Variants in NEDD1 observed in about 807,000 individuals in gnomAD.
NEDD1 encodes the protein NEDD1 gamma-tubulin ring complex targeting factor.
NEDD1 carries 33 observed loss-of-function variants against 74.0 expected under a neutral mutation model. The ratio of observed to expected loss-of-function variants is 0.45; its 90% CI spans 0.34 to 0.60. The LOEUF is 0.60. Among genes scored for constraint, NEDD1 ranks in the 20% least tolerant of loss-of-function variants. The pLI, the probability that NEDD1 is intolerant of heterozygous loss-of-function variation, is 0.01. For missense variants in NEDD1, 746 were observed against 776.5 expected, an observed-to-expected ratio of 0.96 and a Z score of 0.47; for synonymous variants, 250 against 264.4, an observed-to-expected ratio of 0.95 and a Z score of 0.53.
chr12:96,932,454 AAAAAAAAAAATAT>A (rs1565801154), intron 6 of NEDD1, among the ~76,000 whole-genome samples: 1 of 57,456 alleles, frequency 1.7e-5, no homozygotes, highest in Non-Finnish European at 3.3e-5. Context: ...AAAAAAAAAA[AAAAAAAAAAATAT>A]ATATATATAT....
chr12:96,921,101 T>G (rs1280599257), intron 6 of NEDD1, among the ~76,000 whole-genome samples: 1 of 152,174 alleles, frequency 6.6e-6, no homozygotes, highest in Non-Finnish European at 1.5e-5. Context: ...CTTATTGATT[T>G]TGTTTTTACT....
Position 96,907,317 on chromosome 12 carries a change from C to T in NEDD1, c.-262+17C>T, listed in dbSNP as rs1873411715. The T allele has an allele frequency of 5.6e-6, 2 of 357,596 alleles. No individual in the cohort carries two copies. Among genetic ancestry groups the T allele is most frequent in the South Asian group, 6.9e-5 (1 of 14,542 alleles). The allele number at this position is 357,596 out of a possible 1,614,324, so 22.2% of individuals were successfully genotyped here. ...TGCGGAGAGGTGAGGTTCCGGAGGCCCTGAGGTCAGCGGGCCCCCGCCCGC... is the reference window on the plus strand; with the variant it reads ...TGCGGAGAGGTGAGGTTCCGGAGGCTCTGAGGTCAGCGGGCCCCCGCCCGC... On this transcript the variant is annotated intron_variant, in intron 1 of 15. Transcript: ENST00000266742.
Position 96,920,027 on chromosome 12 carries a change from G to A in NEDD1, c.391G>A (p.Asp131Asn). 1 of 1,604,140 alleles carries A rather than the reference G, an allele frequency of 6.2e-7. No individual in the cohort carries two copies. Among genetic ancestry groups the A allele is most frequent in the Non-Finnish European group, 8.5e-7 (1 of 1,171,594 alleles). ...QVTCVTYNWN[D>N]CYIASGSLSG... ...AACTTGTGTAACATACAATTGGAAT[G>A]ATTGCTACATTGCTTCTGGATCTCT... The change falls in exon 6 of 16, where the codon GAT becomes AAT. Residue 131 changes from aspartate (D) to asparagine (N), a missense_variant. Coordinates refer to ENST00000266742, the MANE Select transcript of NEDD1 (RefSeq NM_152905.4).
At chr12:96,908,594 G>C (rs772413800) in intron 2 of NEDD1, among the ~76,000 whole-genome samples, 8 of 152,142 alleles carry the variant, frequency 5.3e-5, no homozygotes, top group Non-Finnish European at 7.4e-5. Flanking sequence ...AAATCACCTT[G>C]TTAGAATTAC....
chr12:96,907,391 A>C (rs1418146466), intron 1 of NEDD1, 91 bp downstream of exon 1: 1 of 473,978 alleles, frequency 2.1e-6, no homozygotes, highest in Non-Finnish European at 3.7e-6. Context: ...TCCCCCTCAG[A>C]GGGCGGGGCG....
At chr12:96,921,377 C>T (rs1370910553) in intron 6 of NEDD1, among the ~76,000 whole-genome samples, 1 of 152,098 alleles carries the variant, frequency 6.6e-6, no homozygotes, top group Non-Finnish European at 1.5e-5. Context: ...GATGGGGTTT[C>T]ACCATGTTGG....
intron 6 of NEDD1, among the ~76,000 whole-genome samples, chr12:96,925,505 C>G (rs10492172): frequency 0.013 from 1,967 of 152,268 alleles, 130 homozygotes; most frequent in Admixed American, 0.11. Context: ...TACATATCAG[C>G]TCTTCAGAAG....
chr12:96,945,422 A>G (rs917964832), intron 13 of NEDD1, among the ~76,000 whole-genome samples: 39 of 152,036 alleles, frequency 2.6e-4, no homozygotes, highest in African/African-American at 8.5e-4. Context: ...ATAAGAGGAA[A>G]TGGTTCATAG....
chr12:96,923,000 C>T (rs1875269595), intron 6 of NEDD1, among the ~76,000 whole-genome samples: 1 of 151,740 alleles, frequency 6.6e-6, no homozygotes, highest in African/African-American at 2.4e-5. Flanking sequence ...GCCAGTAGTC[C>T]CAGCTGCTTG....
intron 13 of NEDD1, 130 bp downstream of exon 13, chr12:96,944,925 C>G (rs1878049905): frequency 1.7e-6 from 1 of 601,156 alleles, no homozygotes; most frequent in Non-Finnish European, 2.8e-6. Context: ...TTTGTGGACA[C>G]TTCTGTTGTG....
Position 96,952,154 on chromosome 12 carries a change from G to T in NEDD1, c.*101G>T. On this transcript the variant is annotated 3_prime_UTR_variant, in exon 16 of 16. Transcript: ENST00000266742. ...TTTTCATGGCCTCCAGGGAAAAAATGTTTTTCAAGTAAGAGTAAAAGGATG... is the reference window on the plus strand; with the variant it reads ...TTTTCATGGCCTCCAGGGAAAAAATTTTTTTCAAGTAAGAGTAAAAGGATG... The T allele has an allele frequency of 1.5e-6, 1 of 664,782 alleles. No homozygotes were observed. The highest frequency in any genetic ancestry group is 1.7e-5 in the South Asian group (1 of 57,888). 41.2% of individuals were successfully genotyped at this position (664,782 alleles called of 1,614,324 possible).
Position 96,912,718 on chromosome 12 carries a change from T to A in NEDD1, c.137-5T>A, listed in dbSNP as rs200764548. 29 of 1,472,104 alleles carry A rather than the reference T, an allele frequency of 2.0e-5. 1 individual carries two copies. The African/African-American group carries it at 3.3e-4, about 17-fold the overall frequency. 91.2% of individuals were successfully genotyped at this position (1,472,104 alleles called of 1,614,324 possible). A position where few individuals can be genotyped will look rare whatever the true frequency, so the allele number is the denominator to read the frequency against. On this transcript the variant is annotated splice_polypyrimidine_tract_variant and splice_region_variant and intron_variant, in intron 3 of 15. Transcript: ENST00000266742. Reference sequence around the variant, plus strand: ...TTGTTTGATGCTCCATAACTCCTCATTTAGATAACTTTTTAGTAACAGCAT... The same window carrying A: ...TTGTTTGATGCTCCATAACTCCTCAATTAGATAACTTTTTAGTAACAGCAT...
At chr12:96,932,530 A>G (rs1215284682) in intron 6 of NEDD1, among the ~76,000 whole-genome samples, 1 of 109,510 alleles carries the variant, frequency 9.1e-6, no homozygotes, top group Non-Finnish European at 1.9e-5. Context: ...TATATAAATT[A>G]TATATATATA....
intron 13 of NEDD1, among the ~76,000 whole-genome samples, chr12:96,945,108 T>C (rs1424537574): frequency 6.6e-6 from 1 of 152,042 alleles, no homozygotes; most frequent in East Asian, 1.9e-4. Context: ...GAAAATGTCT[T>C]TTTCTCTTTC....
chr12:96,932,463 A>AAAAAAAAAAATAT, intron 6 of NEDD1, among the ~76,000 whole-genome samples: 2 of 9,436 alleles, frequency 2.1e-4, no homozygotes, highest in African/African-American at 3.4e-4. Context: ...AAAAAAAAAA[A>AAAAAAAAAAATAT]ATATATATAT....
rs143026492 is a variant in NEDD1, at chr12:96,935,120, A to G, written c.634A>G (p.Ile212Val). ...DSVHKAPASGICFSPVNELLF... is the reference protein window; with the variant it reads ...DSVHKAPASGVCFSPVNELLF... ...TGTACACAAAGCTCCAGCGTCAGGC[A>G]TCTGTTTTTCTCCTGTCAATGAATT... The change falls in exon 7 of 16, where the codon ATC (isoleucine) becomes GTC (valine). Residue 212 changes from isoleucine (I) to valine (V), a missense_variant. By Grantham distance (29) the Ile-to-Val change is conservative. Coordinates refer to ENST00000266742, the MANE Select transcript of NEDD1 (RefSeq NM_152905.4). The G allele has an allele frequency of 6.2e-7, 1 of 1,613,602 alleles. No individual in the cohort carries two copies. The highest frequency in any genetic ancestry group is 8.5e-7 in the Non-Finnish European group (1 of 1,179,506).
At chr12:96,943,826 C>T (rs1877916991) in intron 12 of NEDD1, 64 bp downstream of exon 12, 1 of 1,001,794 alleles carries the variant, frequency 1.0e-6, no homozygotes, top group Non-Finnish European at 1.5e-6. Context: ...TGGGTGGCTG[C>T]CAGTGCATGT....
Position 96,935,031 on chromosome 12 carries a change from C to G in NEDD1, c.545C>G (p.Ser182Trp). 6.2e-7 allele frequency: 1 copy of G among 1,612,318 alleles called. No individual in the cohort carries two copies. The highest frequency in any genetic ancestry group is 1.1e-5 in the South Asian group (1 of 91,044). The change falls in exon 7 of 16, where the codon TCG (serine) becomes TGG (tryptophan). Residue 182 changes from serine to tryptophan, a missense_variant. By Grantham distance (177) the Ser-to-Trp change is radical. Coordinates refer to ENST00000266742, the MANE Select transcript of NEDD1 (RefSeq NM_152905.4). ...AAGAAATCACTACTGGGCAGTGTTT[C>G]GGATAATGGAATAGTAACTCTCTGG... Reference protein sequence around the residue: ...LFKKSLLGSVSDNGIVTLWDV... With the variant: ...LFKKSLLGSVWDNGIVTLWDV...
chr12:96,924,808 ACTTTTT>A, intron 6 of NEDD1: 1 of 450,848 alleles, frequency 2.2e-6, no homozygotes, highest in South Asian at 1.6e-5. Flanking sequence ...ATATGTTATT[ACTTTTT>A]CTTTATTGCG....
Sources: allele counts gnomAD v4.1 joint callset (sites outside exome capture counted in the v4.1 genomes callset), GRCh38; gene constraint gnomAD v4.1.1; transcripts MANE v1.5; gene names NCBI Gene and HGNC (gene_info 2026-07-23, HGNC 2026-07-21).